UVRAG: variants seen among roughly 807,000 people sequenced by gnomAD.
UVRAG encodes the protein UV radiation resistance-associated gene protein.
UVRAG carries 19 observed loss-of-function variants against 78.0 expected under a neutral mutation model. The ratio of observed to expected loss-of-function variants is 0.24; its 90% CI spans 0.17 to 0.36. The LOEUF (loss-of-function observed/expected upper bound fraction) is 0.36, where lower values mean the gene tolerates loss of function less well. UVRAG is among the 10% of genes least tolerant of loss of function. The pLI, the probability that UVRAG is intolerant of heterozygous loss-of-function variation, is 1.00. For synonymous variants in UVRAG, 323 were observed against 324.6 expected (o/e 1.00, Z 0.05); for missense variants, 740 against 853.8 (o/e 0.87, Z 1.66).
chr11:75,895,653 A>T (rs1370928313), intron 5 of UVRAG, among the ~76,000 whole-genome samples: 11 of 151,800 alleles, frequency 7.2e-5, no homozygotes. Context: ...TTAAAGGAAA[A>T]AAAAATAGAG....
At position 76,100,731 on chromosome 11, in the gene UVRAG, G is replaced by A. The variant is rs111837964; in HGVS notation, c.1306-15193G>A. On this transcript the variant is annotated intron_variant, in intron 13 of 14. Transcript: ENST00000356136. ...CAAGTATTAAGCCTAGTACCCAATA[G>A]TACTTTTTCTGTTCCTCTCCCTCCT... Among the ~76,000 whole-genome samples the A allele has an allele frequency of 1.9e-3, 287 of 152,134 alleles. 1 individual carries two copies. The highest frequency in any genetic ancestry group is 3.3e-3 in the Non-Finnish European group (225 of 67,952).
intron 7 of UVRAG, among the ~76,000 whole-genome samples, chr11:75,968,899 G>A (rs1949075325): frequency 6.6e-6 from 1 of 152,100 alleles, no homozygotes; most frequent in African/African-American, 2.4e-5. Context: ...TTATACTATT[G>A]CATTGCTAAA....
chr11:76,133,622 G>A (rs1489546446), intron 14 of UVRAG, among the ~76,000 whole-genome samples: 1 of 152,128 alleles, frequency 6.6e-6, no homozygotes, highest in Non-Finnish European at 1.5e-5. Flanking sequence ...CTTCATTTTA[G>A]TCAGAGAAAT....
intron 13 of UVRAG, among the ~76,000 whole-genome samples, chr11:76,070,584 A>T (rs958193833): frequency 6.6e-6 from 1 of 152,154 alleles, no homozygotes; most frequent in Non-Finnish European, 1.5e-5. Context: ...ACAATATAAA[A>T]TTTTTTTAAA....
intron 12 of UVRAG, among the ~76,000 whole-genome samples, chr11:76,056,567 A>G (rs1305234694): frequency 6.6e-6 from 1 of 152,016 alleles, no homozygotes; most frequent in Non-Finnish European, 1.5e-5. Flanking sequence ...TCCTTGTTGT[A>G]TAAGTTAAAC....
intron 7 of UVRAG, 106 bp downstream of exon 7, chr11:75,961,655 C>T (rs1296763802): frequency 1.3e-6 from 1 of 784,626 alleles, no homozygotes; most frequent in Non-Finnish European, 1.9e-6. Context: ...TTTTTATCTT[C>T]TTAATTGTCC....
intron 11 of UVRAG, among the ~76,000 whole-genome samples, chr11:76,014,194 A>G (rs1950104782): frequency 6.6e-6 from 1 of 152,248 alleles, no homozygotes; most frequent in African/African-American, 2.4e-5. Context: ...TGTAGTCTCA[A>G]AATATACAAA....
At chr11:75,902,731 T>A (rs1397082255) in intron 5 of UVRAG, among the ~76,000 whole-genome samples, 2 of 152,212 alleles carry the variant, frequency 1.3e-5, no homozygotes, top group Non-Finnish European at 2.9e-5. Flanking sequence ...TTTTGAGTTC[T>A]TCTTTGAAGT....
chr11:76,032,134 A>C (rs1950448744), intron 12 of UVRAG, among the ~76,000 whole-genome samples: 1 of 152,172 alleles, frequency 6.6e-6, no homozygotes, highest in South Asian at 2.1e-4. Flanking sequence ...GGAAAGAGTA[A>C]AAATTATTTT....
At chr11:75,827,370 G>A (rs543206760) in intron 1 of UVRAG, among the ~76,000 whole-genome samples, 179 of 152,288 alleles carry the variant, frequency 1.2e-3, no homozygotes, top group Non-Finnish European at 2.1e-3. Flanking sequence ...CCAGCACTGG[G>A]AGGCTGAGGC....
intron 9 of UVRAG, 137 bp downstream of exon 9, chr11:76,004,226 C>A: frequency 2.6e-6 from 2 of 777,582 alleles, no homozygotes; most frequent in Non-Finnish European, 4.2e-6. Flanking sequence ...TTATTCAACA[C>A]ATATTCATTA....
intron 13 of UVRAG, among the ~76,000 whole-genome samples, chr11:76,081,581 T>C (rs1565152613): frequency 2.0e-5 from 3 of 152,128 alleles, no homozygotes; most frequent in Admixed American, 2.0e-4. Flanking sequence ...AATCTTTTCA[T>C]TTCCTTCTAA....
chr11:75,911,322 C>A, intron 5 of UVRAG: 1 of 169,630 alleles, frequency 5.9e-6, no homozygotes, highest in East Asian at 1.5e-4. Flanking sequence ...TGTGCTAGCC[C>A]AAAGGTGCCC....
At chr11:75,906,629 C>T (rs946719830) in intron 5 of UVRAG, among the ~76,000 whole-genome samples, 3 of 151,986 alleles carry the variant, frequency 2.0e-5, no homozygotes, top group East Asian at 1.9e-4. Context: ...ATTACAGGCG[C>T]GAGCCACCGT....
At chr11:75,822,784 G>C (rs1387219959) in intron 1 of UVRAG, among the ~76,000 whole-genome samples, 1 of 151,986 alleles carries the variant, frequency 6.6e-6, no homozygotes, top group Non-Finnish European at 1.5e-5. Context: ...TCTCATGGCA[G>C]CTCCACCCTC....
intron 12 of UVRAG, among the ~76,000 whole-genome samples, chr11:76,042,634 G>T (rs1950670349): frequency 6.6e-6 from 1 of 152,170 alleles, no homozygotes; most frequent in African/African-American, 2.4e-5. Context: ...AGTTCTATGG[G>T]GTACTGCTGG....
intron 9 of UVRAG, 131 bp from the exon 10 acceptor site, chr11:76,007,403 T>C: frequency 1.5e-6 from 1 of 674,626 alleles, no homozygotes; most frequent in South Asian, 2.0e-5. Flanking sequence ...TTATTTATGC[T>C]TCTACTTCTG....
At chr11:76,067,910 C>G (rs1046242216) in intron 13 of UVRAG, among the ~76,000 whole-genome samples, 4 of 152,132 alleles carry the variant, frequency 2.6e-5, no homozygotes, top group Non-Finnish European at 5.9e-5. Context: ...GAACTAAGTT[C>G]TGATTTGAGT....
chr11:76,133,005 T>A (rs974200918), intron 14 of UVRAG, among the ~76,000 whole-genome samples: 3 of 152,190 alleles, frequency 2.0e-5, no homozygotes, highest in Non-Finnish European at 2.9e-5. Flanking sequence ...TTACCTAACC[T>A]CTGTGCTTCA....
Sources: gnomAD v4.1 joint callset for allele counts (sites outside exome capture counted in the v4.1 genomes callset) on GRCh38, gnomAD v4.1.1 for gene constraint, MANE v1.5 for transcripts, NCBI Gene and HGNC (gene_info 2026-07-23, HGNC 2026-07-21) for gene names.